The following SERPINB8 variants were observed in gnomAD, a reference collection of about 807,000 sequenced individuals.
The protein encoded by SERPINB8 is serpin B8.
In SERPINB8, 25 loss-of-function variants were observed where a neutral mutation model predicts 35.3. The ratio of observed to expected loss-of-function variants is 0.71; its 90% confidence interval spans 0.52 to 0.99. The LOEUF is 0.99. Among genes scored for constraint, SERPINB8 ranks in the 50% least tolerant of loss-of-function variants. The probability of loss-of-function intolerance (pLI) is 0.00; values close to 1 mark genes in which losing one functional copy is unlikely to be tolerated. For synonymous variants in SERPINB8, 186 were observed against 160.8 expected (o/e 1.16, Z -1.19); for missense variants, 484 against 446.5 (o/e 1.08, Z -0.76).
chr18:64,012,711 G>A (rs2050931234), intron 7 of SERPINB8, among the ~76,000 whole-genome samples: 2 of 151,862 alleles, frequency 1.3e-5, no homozygotes, highest in African/African-American at 4.8e-5. Context: ...TTCTTGCATT[G>A]CAAACTAATG....
At chr18:63,983,463 AAGAC>A in intron 4 of SERPINB8, 112 bp from the exon 5 acceptor site, 3 of 926,830 alleles carry the variant, frequency 3.2e-6, no homozygotes, top group Admixed American at 4.1e-5. Context: ...GGGGCCCAGA[AAGAC>A]AGAACTCCAG....
intron 7 of SERPINB8, among the ~76,000 whole-genome samples, chr18:64,010,858 A>T (rs1234778795): frequency 6.6e-6 from 1 of 152,036 alleles, no homozygotes; most frequent in Non-Finnish European, 1.5e-5. Context: ...GATCCATTAG[A>T]TCAATAAGAA....
intron 6 of SERPINB8, chr18:63,986,503 T>G (rs1033634692): frequency 1.8e-5 from 24 of 1,347,410 alleles, no homozygotes; most frequent in Non-Finnish European, 2.1e-5. Flanking sequence ...TTGTCTTTTG[T>G]CAAACAATCT....
chr18:63,978,226 T>C (rs2050612819), intron 1 of SERPINB8, 73 bp from the exon 2 acceptor site: 1 of 1,535,366 alleles, frequency 6.5e-7, no homozygotes, highest in African/African-American at 1.4e-5. Context: ...GTCCACTGAC[T>C]GGGGGATGAA....
At chr18:63,977,476 C>T (rs949896475) in intron 1 of SERPINB8, among the ~76,000 whole-genome samples, 1 of 151,998 alleles carries the variant, frequency 6.6e-6, no homozygotes, top group East Asian at 1.9e-4. Flanking sequence ...TACAGGTGCC[C>T]GCCACCATGC....
chr18:63,995,786 A>G (rs1285705134), intron 1 of SERPINB8, among the ~76,000 whole-genome samples: 1 of 152,256 alleles, frequency 6.6e-6, no homozygotes, highest in African/African-American at 2.4e-5. Flanking sequence ...CAGAAAGCCA[A>G]TCAGTGAGAC....
At chr18:64,009,611 A>C (rs2050916526), downstream of SERPINB8, among the ~76,000 whole-genome samples, 1 of 152,242 alleles carries the variant, frequency 6.6e-6, no homozygotes, top group African/African-American at 2.4e-5. Context: ...CGCCCAGTGT[A>C]GTGTGCTGGG....
In SERPINB8 at chr18:63,986,315, C is replaced by G. The variant is rs566876604; in HGVS notation, c.721-559C>G. The G allele has an allele frequency of 1.9e-6, 3 of 1,607,772 alleles. No individual in the cohort carries two copies. In the South Asian group the frequency reaches 3.4e-5, roughly 18 times the overall value. ...AACTCCAGGACAGGCAGAGGACAAA[C>G]AAGGATGCTGATGAAGTCTTCTTGC... On this transcript the variant is annotated intron_variant, in intron 6 of 6. Transcript: ENST00000397985.
At chr18:64,012,837 C>T (rs145098366) in intron 7 of SERPINB8, among the ~76,000 whole-genome samples, 34 of 152,142 alleles carry the variant, frequency 2.2e-4, no homozygotes, top group African/African-American at 6.0e-4. Context: ...ATACATGGGA[C>T]ACGTGTCTCA....
At chr18:63,992,306 T>C (rs1015368052), downstream of SERPINB8, among the ~76,000 whole-genome samples, 2 of 152,266 alleles carry the variant, frequency 1.3e-5, no homozygotes, top group Non-Finnish European at 2.9e-5. Flanking sequence ...ACTATTCAAA[T>C]TACATATTTC....
At chr18:64,016,550 T>C (rs1015252171) in intron 7 of SERPINB8, among the ~76,000 whole-genome samples, 3 of 152,154 alleles carry the variant, frequency 2.0e-5, no homozygotes, top group Non-Finnish European at 4.4e-5. Flanking sequence ...TAAAAAGCGG[T>C]TTATGGGAAA....
intron 7 of SERPINB8, among the ~76,000 whole-genome samples, chr18:64,013,945 T>C (rs1032094892): frequency 2.6e-5 from 4 of 152,200 alleles, no homozygotes; most frequent in African/African-American, 9.6e-5. Context: ...GTTGTTAAGT[T>C]AGGCCAGGAA....
At chr18:64,008,696 A>G (rs900300337), downstream of SERPINB8, among the ~76,000 whole-genome samples, 12 of 152,176 alleles carry the variant, frequency 7.9e-5, no homozygotes, top group African/African-American at 2.9e-4. Context: ...TAAATTCTCT[A>G]TTATTCAAAT....
intron 1 of SERPINB8, among the ~76,000 whole-genome samples, chr18:64,000,620 C>A (rs942224014): frequency 6.6e-6 from 1 of 152,218 alleles, no homozygotes; most frequent in African/African-American, 2.4e-5. Flanking sequence ...CTGGCCCCTC[C>A]ATTCAGAGGC....
At chr18:63,972,127 T>G (rs12967154) in intron 1 of SERPINB8, among the ~76,000 whole-genome samples, 34,114 of 152,072 alleles carry the variant, frequency 0.22, 4,008 homozygotes, top group African/African-American at 0.24. Flanking sequence ...ATAACTGGAA[T>G]ATTGTCATCG....
Position 63,970,142 on chromosome 18 carries a change from G to GGCGGCGGCGGCGGCA in SERPINB8, c.-31_-30insGGCGGCAGCGGCGGC. On this transcript the variant is annotated 5_prime_UTR_variant, in exon 1 of 7. Transcript: ENST00000397985. ...TAGTCAAAGCAGCAGCGGCGGCGGC[G>GGCGGCGGCGGCGGCA]GCGGCGGCAGCAGCAGCAGCAGCAG... The GGCGGCGGCGGCGGCA allele has an allele frequency of 8.1e-6, 3 of 368,494 alleles. No homozygotes were observed. Among genetic ancestry groups the GGCGGCGGCGGCGGCA allele is most frequent in the Non-Finnish European group, 1.6e-5 (3 of 187,206 alleles). 22.8% of individuals were successfully genotyped at this position (368,494 alleles called of 1,614,324 possible).
rs1409280064 is a variant in SERPINB8 at position 63,988,947 on chromosome 18, A to G, written c.*1669A>G. The G allele has an allele frequency of 6.6e-6, 1 of 152,216 alleles. No homozygotes were observed. Among genetic ancestry groups the G allele is most frequent in the African/African-American group, 2.4e-5 (1 of 41,436 alleles). The allele number at this position is 152,216 out of a possible 1,614,324, so 9.4% of individuals were successfully genotyped here. On this transcript the variant is annotated 3_prime_UTR_variant, in exon 7 of 7. Coordinates refer to ENST00000397985, the MANE Select transcript of SERPINB8 (RefSeq NM_002640.4). ...TTCTGACACATTTTCCATGAAACAA[A>G]CCATCGCTATATTCAAGATAATGAA...
intron 1 of SERPINB8, among the ~76,000 whole-genome samples, chr18:64,000,267 A>G (rs923547736): frequency 5.9e-5 from 9 of 152,230 alleles, no homozygotes; most frequent in African/African-American, 1.2e-4. Context: ...AAACATTTCA[A>G]TGATGAACTT....
chr18:64,016,053 TC>T (rs1055412336), intron 7 of SERPINB8, among the ~76,000 whole-genome samples: 3 of 152,166 alleles, frequency 2.0e-5, no homozygotes, highest in African/African-American at 7.2e-5. Context: ...TAGACACTTT[TC>T]CCCCCTGGAA....
Sources: allele counts gnomAD v4.1 joint callset (sites outside exome capture counted in the v4.1 genomes callset), GRCh38; gene constraint gnomAD v4.1.1; transcripts MANE v1.5; gene names NCBI Gene and HGNC (gene_info 2026-07-23, HGNC 2026-07-21).